GLG1: variants seen among roughly 807,000 people sequenced by gnomAD.
GLG1 encodes the protein golgi glycoprotein 1.
In GLG1, 38 loss-of-function variants were observed where a neutral mutation model predicts 160.5. The ratio of observed to expected loss-of-function variants is 0.24; its 90% CI spans 0.18 to 0.31. The LOEUF (loss-of-function observed/expected upper bound fraction) is 0.31, where lower values mean the gene tolerates loss of function less well. Ranked by LOEUF, GLG1 falls within the 10% of genes least tolerant of loss-of-function variation. The pLI, the probability that GLG1 is intolerant of heterozygous loss-of-function variation, is 1.00. For missense variants in GLG1, 1,373 were observed against 1,505.2 expected (o/e 0.91, Z 1.45); for synonymous variants, 644 against 543.4 (o/e 1.19, Z -2.57).
intron 1 of GLG1, among the ~76,000 whole-genome samples, chr16:74,541,484 T>C (rs1247783096): frequency 6.6e-6 from 1 of 152,226 alleles, no homozygotes; most frequent in Non-Finnish European, 1.5e-5. Context: ...TGGGTTTTGA[T>C]TCCAGTTCCA....
intron 11 of GLG1, 36 bp from the exon 12 acceptor site, chr16:74,477,569 T>A (rs1318940160): frequency 6.4e-7 from 1 of 1,571,526 alleles, no homozygotes; most frequent in Admixed American, 1.8e-5. Context: ...ACTTGAAAGG[T>A]AACAAAACAA....
rs371669211 is a variant in GLG1, at chr16:74,462,711, G to A, written c.2792-81C>T. 1.6e-3 allele frequency: 2,081 copies of A among 1,271,500 alleles called. 5 individuals are homozygous for A. Among genetic ancestry groups the A allele is most frequent in the Middle Eastern group, 0.011 (60 of 5,412 alleles). 78.8% of individuals were successfully genotyped at this position (1,271,500 alleles called of 1,614,324 possible). Reference sequence around the variant, plus strand: ...TTAGATATCCACCTTCCTAAAGGGAGCATATTATGTCAATGATCATGACTA... The same window carrying A: ...TTAGATATCCACCTTCCTAAAGGGAACATATTATGTCAATGATCATGACTA... On this transcript the variant is annotated intron_variant, in intron 20 of 25. Transcript: ENST00000422840.
chr16:74,470,151 T>C (rs572359716), intron 15 of GLG1, 78 bp from the exon 16 acceptor site: 301 of 832,962 alleles, frequency 3.6e-4, no homozygotes, highest in Admixed American at 1.9e-3. Flanking sequence ...CTTTTTCATA[T>C]AGCTCTCACA....
At position 74,452,187 on chromosome 16, in the gene GLG1, C is replaced by G; in HGVS notation, c.*980G>C. 6.3e-7 allele frequency: 1 copy of G among 1,585,754 alleles called. No homozygotes were observed. The highest frequency in any genetic ancestry group is 8.6e-7 in the Non-Finnish European group (1 of 1,165,692). ...CTGGCTCCCACTTCCTGACCCACTG[C>G]TCCCCACACCCATCTTCAAGGACCC... On this transcript the variant is annotated 3_prime_UTR_variant, in exon 26 of 26. Coordinates refer to ENST00000422840, the MANE Select transcript of GLG1 (RefSeq NM_001145667.2).
chr16:74,464,713 G>C (rs1425844873), intron 19 of GLG1, among the ~76,000 whole-genome samples: 1 of 152,074 alleles, frequency 6.6e-6, no homozygotes, highest in Non-Finnish European at 1.5e-5. Context: ...CATCAGGCCA[G>C]TTAAAAAGAC....
intron 2 of GLG1, among the ~76,000 whole-genome samples, chr16:74,515,284 G>T (rs1412692581): frequency 6.6e-6 from 1 of 152,008 alleles, no homozygotes; most frequent in Non-Finnish European, 1.5e-5. Flanking sequence ...CTCAGCTCTG[G>T]AGCGGGCAGA....
At chr16:74,551,007 T>A (rs1187940979) in intron 1 of GLG1, among the ~76,000 whole-genome samples, 2 of 152,196 alleles carry the variant, frequency 1.3e-5, no homozygotes, top group Non-Finnish European at 2.9e-5. Flanking sequence ...ATATTCATGT[T>A]GAATCTAACG....
intron 17 of GLG1, chr16:74,468,676 AT>A: frequency 2.3e-6 from 1 of 427,060 alleles, no homozygotes; most frequent in Non-Finnish European, 4.4e-6. Context: ...CCCTGAGGAC[AT>A]TACTGATCCA....
In GLG1 at chr16:74,601,935, C is replaced by G. The variant is rs558883659; in HGVS notation, c.438+4722G>C. 2.0e-5 allele frequency among the ~76,000 whole-genome samples: 3 copies of G among 152,234 alleles called. No individual in the cohort carries two copies. In the South Asian group the frequency reaches 6.2e-4, roughly 32 times the overall value. On this transcript the variant is annotated intron_variant, in intron 1 of 25. Coordinates refer to ENST00000422840, the MANE Select transcript of GLG1 (RefSeq NM_001145667.2). Reference sequence around the variant, plus strand: ...CCACTTAGGATATAACATCAGACAACTTACTTTAGCTCTTTGAGCCTATTT... The same window carrying G: ...CCACTTAGGATATAACATCAGACAAGTTACTTTAGCTCTTTGAGCCTATTT...
intron 1 of GLG1, among the ~76,000 whole-genome samples, chr16:74,605,275 AAATG>A (rs1229840105): frequency 8.8e-5 from 13 of 148,352 alleles, no homozygotes; most frequent in Non-Finnish European, 1.5e-4. Context: ...GGAGGTTTCC[AAATG>A]TCCGGAATAC....
At chr16:74,511,591 A>G (rs1024381431) in intron 2 of GLG1, among the ~76,000 whole-genome samples, 3 of 150,106 alleles carry the variant, frequency 2.0e-5, no homozygotes, top group Non-Finnish European at 4.5e-5. Flanking sequence ...TTTTTAAAAA[A>G]AAAAAAAAAA....
At chr16:74,504,168 A>T (rs569267798) in intron 3 of GLG1, among the ~76,000 whole-genome samples, 1 of 152,320 alleles carries the variant, frequency 6.6e-6, no homozygotes, top group East Asian at 1.9e-4. Flanking sequence ...AACAGGTGCA[A>T]AAGTGAAGTC....
At chr16:74,584,292 T>C (rs941887768) in intron 1 of GLG1, among the ~76,000 whole-genome samples, 2 of 152,182 alleles carry the variant, frequency 1.3e-5, no homozygotes, top group African/African-American at 2.4e-5. Context: ...TCGAAAAACA[T>C]TGACTGTTTT....
chr16:74,510,612 CA>C (rs1159455876), intron 2 of GLG1, among the ~76,000 whole-genome samples: 1 of 151,882 alleles, frequency 6.6e-6, no homozygotes, highest in Non-Finnish European at 1.5e-5. Context: ...TACTCCTAGA[CA>C]AAAAAATACA....
At position 74,540,511 on chromosome 16, in the gene GLG1, T is replaced by A. The variant is rs188120511; in HGVS notation, c.439-8358A>T. On this transcript the variant is annotated intron_variant, in intron 1 of 25. Coordinates refer to ENST00000422840, the MANE Select transcript of GLG1 (RefSeq NM_001145667.2). ...ATACAGAGCTCAACCAATCTTTTCATCAAATTCCCATCTGGGACTGCCTAA... is the reference window on the plus strand; with the variant it reads ...ATACAGAGCTCAACCAATCTTTTCAACAAATTCCCATCTGGGACTGCCTAA... 1.8e-3 allele frequency among the ~76,000 whole-genome samples: 268 copies of A among 151,928 alleles called. 8 individuals carry two copies. The East Asian group carries it at 0.047, about 27-fold the overall frequency.
chr16:74,537,144 T>G (rs1418278557), intron 1 of GLG1, among the ~76,000 whole-genome samples: 4 of 152,170 alleles, frequency 2.6e-5, no homozygotes, highest in Non-Finnish European at 1.5e-5. Context: ...TTAGTATCAA[T>G]AAGTAAACTA....
At chr16:74,489,523 G>A (rs1306785513) in intron 8 of GLG1, among the ~76,000 whole-genome samples, 3 of 151,708 alleles carry the variant, frequency 2.0e-5, no homozygotes, top group Non-Finnish European at 4.4e-5. Flanking sequence ...CAACCTTTCT[G>A]TGCTGCTTTA....
chr16:74,545,447 C>T (rs192651430), intron 1 of GLG1, among the ~76,000 whole-genome samples: 1 of 152,276 alleles, frequency 6.6e-6, no homozygotes, highest in East Asian at 1.9e-4. Context: ...TCCCAAAGTG[C>T]TGGGATTACC....
intron 13 of GLG1, chr16:74,472,654 G>A (rs1488406433): frequency 1.9e-6 from 2 of 1,042,504 alleles, no homozygotes; most frequent in East Asian, 7.1e-5. Flanking sequence ...TGAGAAGGCA[G>A]AATTAAGAAA....
Sources: allele counts gnomAD v4.1 joint callset (sites outside exome capture counted in the v4.1 genomes callset), GRCh38; gene constraint gnomAD v4.1.1; transcripts MANE v1.5; gene names NCBI Gene and HGNC (gene_info 2026-07-23, HGNC 2026-07-21).